STX2: variants seen among roughly 807,000 people sequenced by gnomAD.
STX2 encodes syntaxin-2.
A neutral mutation model predicts 40.6 loss-of-function variants in STX2; 27 were observed. That is an observed-to-expected ratio of 0.66 (90% CI 0.49 to 0.92). STX2 has a LOEUF of 0.92. Ranked by LOEUF, STX2 falls within the 40% of genes least tolerant of loss-of-function variation. STX2 has a pLI of 0.00. For missense variants in STX2, 328 were observed against 366.1 expected, an observed-to-expected ratio of 0.90 and a Z score of 0.85; for synonymous variants, 123 against 119.1, an observed-to-expected ratio of 1.03 and a Z score of -0.22.
intron 3 of STX2, among the ~76,000 whole-genome samples, chr12:130,818,183 A>AT (rs1184546368): frequency 4.7e-3 from 96 of 20,290 alleles, no homozygotes; most frequent in African/African-American, 0.014. Context: ...AAAAAAAAAA[A>AT]AAATATATAT....
At chr12:130,804,115 A>G (rs1951336158) in intron 6 of STX2, among the ~76,000 whole-genome samples, 1 of 152,224 alleles carries the variant, frequency 6.6e-6, no homozygotes, top group Non-Finnish European at 1.5e-5. Context: ...ATTCCAGAGA[A>G]AGCACTGTGG....
intron 9 of STX2, 162 bp downstream of exon 9, chr12:130,798,363 C>G (rs1593116102): frequency 4.2e-6 from 2 of 478,404 alleles, no homozygotes; most frequent in East Asian, 7.4e-5. Context: ...TCTAATAAAC[C>G]TTTTAAATTT....
At position 130,790,772 on chromosome 12, in the gene STX2, G is replaced by T. The variant is rs938493654; in HGVS notation, c.*1251C>A. The T allele has an allele frequency of 6.6e-6, 1 of 152,466 alleles. No individual in the cohort carries two copies. Among genetic ancestry groups the T allele is most frequent in the Non-Finnish European group, 1.5e-5 (1 of 68,028 alleles). 9.4% of individuals were successfully genotyped at this position (152,466 alleles called of 1,614,324 possible). ...TTCATTCATGTAAACTGGGAAACTCGAATCTCCTATTTAGTGAAAAGAGAC... is the reference window on the plus strand; with the variant it reads ...TTCATTCATGTAAACTGGGAAACTCTAATCTCCTATTTAGTGAAAAGAGAC... On this transcript the variant is annotated 3_prime_UTR_variant, in exon 11 of 11. Transcript: ENST00000392373.
chr12:130,831,552 T>A (rs1195667433), intron 1 of STX2, among the ~76,000 whole-genome samples: 5 of 151,938 alleles, frequency 3.3e-5, no homozygotes, highest in African/African-American at 9.7e-5. Context: ...CTTGTGAGGA[T>A]CCCTTGAGCC....
At chr12:130,834,141 T>A (rs11061157) in intron 1 of STX2, among the ~76,000 whole-genome samples, 1 of 152,050 alleles carries the variant, frequency 6.6e-6, no homozygotes, top group African/African-American at 2.4e-5. Flanking sequence ...CCCAGCACTT[T>A]GGGAGGCCGA....
intron 2 of STX2, among the ~76,000 whole-genome samples, chr12:130,823,066 C>G (rs961552017): frequency 6.6e-5 from 10 of 152,060 alleles, no homozygotes; most frequent in Admixed American, 2.6e-4. Context: ...ACTTTGGGAG[C>G]CAAGGCAGAA....
chr12:130,823,579 T>C (rs1268633997), intron 2 of STX2, among the ~76,000 whole-genome samples: 1 of 152,156 alleles, frequency 6.6e-6, no homozygotes, highest in African/African-American at 2.4e-5. Context: ...GTGATGGCTT[T>C]CAAGAGGGAG....
rs1952204980 is a variant in STX2 at position 130,823,888 on chromosome 12, C to T, written c.106-2100G>A. Among the ~76,000 whole-genome samples the T allele has an allele frequency of 2.0e-5, 3 of 152,322 alleles. No homozygotes were observed. The South Asian group carries it at 6.2e-4, about 32-fold the overall frequency. ...CTAATGTCCAGCTTAATAGACAGCA[C>T]CCTGATCATCACAGATATTTCTGGG... On this transcript the variant is annotated intron_variant, in intron 2 of 10. Transcript: ENST00000392373.
intron 6 of STX2, among the ~76,000 whole-genome samples, chr12:130,804,777 T>TA (rs962960070): frequency 2.0e-5 from 3 of 151,176 alleles, no homozygotes; most frequent in Non-Finnish European, 3.0e-5. Context: ...AAGGAATTAC[T>TA]AAAAAAAACT....
intron 1 of STX2, among the ~76,000 whole-genome samples, chr12:130,832,122 C>T (rs1258112342): frequency 6.6e-6 from 1 of 152,122 alleles, no homozygotes; most frequent in Admixed American, 6.5e-5. Flanking sequence ...GCTGGTATTA[C>T]AGGCATGAGC....
rs756328369 is a variant in STX2, at chr12:130,812,918, T to C, written c.280+39A>G. 6 of 1,361,790 alleles carry C rather than the reference T, an allele frequency of 4.4e-6. No homozygotes were observed. In the African/African-American group the frequency reaches 7.4e-5, roughly 17 times the overall value. 84.4% of individuals were successfully genotyped at this position (1,361,790 alleles called of 1,614,324 possible). A position where few individuals can be genotyped will look rare whatever the true frequency, so the allele number is the denominator to read the frequency against. On this transcript the variant is annotated intron_variant, in intron 4 of 10. Transcript: ENST00000392373. ...AGAAAAAAATAACAAATACCCATACTCCCAACATCAATAATTAAACATAAA... is the reference window on the plus strand; with the variant it reads ...AGAAAAAAATAACAAATACCCATACCCCCAACATCAATAATTAAACATAAA...
chr12:130,811,325 T>C (rs1951641730), intron 4 of STX2, among the ~76,000 whole-genome samples: 2 of 140,078 alleles, frequency 1.4e-5, no homozygotes, highest in Non-Finnish European at 3.0e-5. Context: ...GCCACTGCAC[T>C]TCAACCTGGG....
chr12:130,830,236 G>T (rs1264993860), intron 1 of STX2, among the ~76,000 whole-genome samples: 1 of 152,184 alleles, frequency 6.6e-6, no homozygotes, highest in African/African-American at 2.4e-5. Flanking sequence ...TGCAGCTCCA[G>T]GAAAGAGGCT....
At chr12:130,806,474 A>T (rs1951437946) in intron 6 of STX2, among the ~76,000 whole-genome samples, 1 of 152,172 alleles carries the variant, frequency 6.6e-6, no homozygotes, top group Non-Finnish European at 1.5e-5. Context: ...TGGGAACCCC[A>T]ATCTTTCACA....
chr12:130,838,862 G>A (rs1331447955), intron 1 of STX2, among the ~76,000 whole-genome samples: 1 of 150,518 alleles, frequency 6.6e-6, no homozygotes, highest in Non-Finnish European at 1.5e-5. Context: ...CCCACCCTAG[G>A]ACTCCCGGGA....
intron 2 of STX2, among the ~76,000 whole-genome samples, chr12:130,825,063 GC>G (rs1473962827): frequency 7.7e-6 from 1 of 130,540 alleles, no homozygotes; most frequent in Non-Finnish European, 1.6e-5. Context: ...TTTTTTTGTC[GC>G]CCAAGCTGTT....
rs761742332 is a variant in STX2, at chr12:130,806,862, G to A, written c.463+120C>T. On this transcript the variant is annotated intron_variant, in intron 6 of 10. Transcript: ENST00000392373. ...CATAGGAAGCTACGAGTGGTCTTTG[G>A]GTTTTACACTATTGGTGAAAATAGA... 41 of 918,548 alleles carry A rather than the reference G, an allele frequency of 4.5e-5. No homozygotes were observed. In the South Asian group the frequency reaches 6.7e-4, roughly 15 times the overall value. The allele number at this position is 918,548 out of a possible 1,614,324, so 56.9% of individuals were successfully genotyped here.
intron 10 of STX2, among the ~76,000 whole-genome samples, chr12:130,793,159 C>T (rs571217235): frequency 4.6e-5 from 7 of 152,282 alleles, no homozygotes; most frequent in Admixed American, 2.6e-4. Flanking sequence ...TATCAAGAGG[C>T]GCATGGCAGG....
Position 130,827,195 on chromosome 12 carries a change from G to T in STX2, c.103C>A (p.Gln35Lys). ...TGGGTTTCATTAAACGCTCTTACCTGATGGAAGAAATCATCCATGAAATGA... is the reference window on the plus strand; with the variant it reads ...TGGGTTTCATTAAACGCTCTTACCTTATGGAAGAAATCATCCATGAAATGA... ...KDHFMDDFFH[Q>K]VEEIRNSIDK... The change falls in exon 2 of 11, where the codon CAG (glutamine) becomes AAG (lysine). Residue 35 changes from glutamine to lysine, a missense_variant and splice_region_variant. Gln to Lys is a moderately conservative substitution (Grantham distance 53). Coordinates refer to ENST00000392373, the MANE Select transcript of STX2 (RefSeq NM_194356.4). 6.2e-7 allele frequency: 1 copy of T among 1,613,020 alleles called. No homozygotes were observed. The highest frequency in any genetic ancestry group is 8.5e-7 in the Non-Finnish European group (1 of 1,179,314).
Sources: gnomAD v4.1 joint callset for allele counts (sites outside exome capture counted in the v4.1 genomes callset) on GRCh38, gnomAD v4.1.1 for gene constraint, MANE v1.5 for transcripts, NCBI Gene and HGNC (gene_info 2026-07-23, HGNC 2026-07-21) for gene names.